The following GFOD1 variants were observed in gnomAD, a reference collection of about 807,000 sequenced individuals.
GFOD1 encodes glucose-fructose oxidoreductase domain-containing protein 1.
A neutral mutation model predicts 25.4 loss-of-function variants in GFOD1; 9 were observed. The observed-to-expected ratio is 0.35, with a 90% CI of 0.21 to 0.62. GFOD1 has a LOEUF of 0.62. Ranked by LOEUF, GFOD1 falls within the 20% of genes least tolerant of loss-of-function variation. GFOD1 has a pLI of 0.72. For missense variants in GFOD1, 403 were observed against 556.9 expected (o/e 0.72, Z 2.78); for synonymous variants, 253 against 245.6 (o/e 1.03, Z -0.28).
In GFOD1 at chr6:13,396,137, G is replaced by A. The variant is rs1461523016; in HGVS notation, c.254-30475C>T. On this transcript the variant is annotated intron_variant, in intron 1 of 1. Transcript: ENST00000379287. Reference sequence around the variant, plus strand: ...TAAGCTGAGGAACAGTGTCACTTCTGCTTCTACGTAGCTCACTAGAAATCC... The same window carrying A: ...TAAGCTGAGGAACAGTGTCACTTCTACTTCTACGTAGCTCACTAGAAATCC... Among the ~76,000 whole-genome samples the A allele has an allele frequency of 3.3e-5, 5 of 152,190 alleles. No individual in the cohort carries two copies. The South Asian group carries it at 6.2e-4, about 19-fold the overall frequency.
chr6:13,465,423 G>C (rs1225572178), intron 1 of GFOD1, among the ~76,000 whole-genome samples: 1 of 152,158 alleles, frequency 6.6e-6, no homozygotes, highest in East Asian at 1.9e-4. Flanking sequence ...AAGCTTGCTA[G>C]ACATGCAGAA....
chr6:13,423,286 T>C (rs142980655), intron 1 of GFOD1, among the ~76,000 whole-genome samples: 1 of 144,730 alleles, frequency 6.9e-6, no homozygotes. Context: ...AAATGTATTT[T>C]CAACTTAATA....
intron 1 of GFOD1, among the ~76,000 whole-genome samples, chr6:13,443,856 A>G (rs925962429): frequency 6.6e-6 from 1 of 150,634 alleles, no homozygotes; most frequent in Non-Finnish European, 1.5e-5. Context: ...AGCTACCCCA[A>G]CCTTCAGCAA....
chr6:13,446,868 A>G (rs1352104603), intron 1 of GFOD1, among the ~76,000 whole-genome samples: 1 of 152,194 alleles, frequency 6.6e-6, no homozygotes, highest in Non-Finnish European at 1.5e-5. Context: ...CTTCATCCCC[A>G]CCAGTCATTT....
At chr6:13,409,997 G>A (rs1218978187) in intron 1 of GFOD1, among the ~76,000 whole-genome samples, 1 of 129,174 alleles carries the variant, frequency 7.7e-6, no homozygotes, top group African/African-American at 2.7e-5. Context: ...AAATGATACG[G>A]ATTTTTAGTT....
At chr6:13,462,496 G>A (rs1758309383) in intron 1 of GFOD1, among the ~76,000 whole-genome samples, 1 of 152,180 alleles carries the variant, frequency 6.6e-6, no homozygotes, top group Non-Finnish European at 1.5e-5. Context: ...CTTCAGTCCG[G>A]TCAACTGTGA....
intron 1 of GFOD1, among the ~76,000 whole-genome samples, chr6:13,468,894 G>T (rs1758425682): frequency 6.6e-6 from 1 of 152,068 alleles, no homozygotes; most frequent in African/African-American, 2.4e-5. Flanking sequence ...ATGTGTTTAA[G>T]CATATGGGAG....
At chr6:13,470,469 C>G in intron 1 of GFOD1, 2 of 1,550,260 alleles carry the variant, frequency 1.3e-6, no homozygotes, top group Non-Finnish European at 1.7e-6. Flanking sequence ...GGCTTGAAAC[C>G]TGTCCCCTGG....
At chr6:13,411,557 G>T (rs777386410) in intron 1 of GFOD1, among the ~76,000 whole-genome samples, 7 of 152,112 alleles carry the variant, frequency 4.6e-5, no homozygotes, top group Non-Finnish European at 7.4e-5. Flanking sequence ...CTCCCAAAAT[G>T]CTGGAATTAC....
chr6:13,390,810 AG>A (rs1785586474), intron 1 of GFOD1, among the ~76,000 whole-genome samples: 4 of 151,250 alleles, frequency 2.6e-5, no homozygotes, highest in African/African-American at 7.3e-5. Flanking sequence ...GAAGGAAGGA[AG>A]GAAGGAAGGA....
chr6:13,460,884 C>A (rs1758279224), intron 1 of GFOD1, among the ~76,000 whole-genome samples: 1 of 152,154 alleles, frequency 6.6e-6, no homozygotes, highest in African/African-American at 2.4e-5. Flanking sequence ...AGTCTACTCT[C>A]TTCTGCCCTT....
chr6:13,446,195 G>A (rs1326138075), intron 1 of GFOD1, among the ~76,000 whole-genome samples: 1 of 152,176 alleles, frequency 6.6e-6, no homozygotes, highest in African/African-American at 2.4e-5. Flanking sequence ...GGATTCTAAT[G>A]TGACAGGGAC....
rs1224108033 is a variant in GFOD1, at chr6:13,477,183, TCAGG to T, written c.253+9451_253+9454del. Among the ~76,000 whole-genome samples, 20 of 150,026 alleles carry T rather than the reference TCAGG, an allele frequency of 1.3e-4. 1 individual carries two copies. Among genetic ancestry groups the T allele is most frequent in the Non-Finnish European group, 2.1e-4 (14 of 67,550 alleles). ...TTGATCCAGGCAAAATCTGTATTAGTCAGGGTTCACCAGAGAAACAGAACCAATA... is the reference window on the plus strand; with the variant it reads ...TTGATCCAGGCAAAATCTGTATTAGTGTTCACCAGAGAAACAGAACCAATA... On this transcript the variant is annotated intron_variant, in intron 1 of 1. Transcript: ENST00000379287.
intron 1 of GFOD1, among the ~76,000 whole-genome samples, chr6:13,449,827 A>T (rs1758064867): frequency 6.6e-6 from 1 of 152,118 alleles, no homozygotes; most frequent in South Asian, 2.1e-4. Context: ...TTTTCTTTAT[A>T]AATTACCTAG....
At position 13,401,089 on chromosome 6, in the gene GFOD1, G is replaced by C. The variant is rs377506635; in HGVS notation, c.254-35427C>G. On this transcript the variant is annotated intron_variant, in intron 1 of 1. Coordinates refer to ENST00000379287, the MANE Select transcript of GFOD1 (RefSeq NM_018988.4). ...CCTTTCTATAAAGTGAGGTGCGAGA[G>C]AGCCGAGACCCATTTAAGGAGGATG... Among the ~76,000 whole-genome samples, 9 of 152,326 alleles carry C rather than the reference G, an allele frequency of 5.9e-5. No homozygotes were observed. In the South Asian group the frequency reaches 1.4e-3, roughly 25 times the overall value.
At chr6:13,466,492 C>T (rs939665272) in intron 1 of GFOD1, among the ~76,000 whole-genome samples, 2 of 152,008 alleles carry the variant, frequency 1.3e-5, no homozygotes, top group East Asian at 3.9e-4. Context: ...CAGTGGCAGG[C>T]ACCCACATAA....
intron 1 of GFOD1, among the ~76,000 whole-genome samples, chr6:13,379,160 T>C (rs1785311332): frequency 6.6e-6 from 1 of 152,158 alleles, no homozygotes; most frequent in South Asian, 2.1e-4. Flanking sequence ...AACTGACAAG[T>C]AACCTACAGT....
intron 1 of GFOD1, among the ~76,000 whole-genome samples, chr6:13,416,806 G>A (rs1390421018): frequency 6.6e-6 from 1 of 152,200 alleles, no homozygotes. Context: ...TAAAAATTGT[G>A]CATGCATTAT....
chr6:13,470,420 C>A (rs572815758), intron 1 of GFOD1: 3 of 1,549,804 alleles, frequency 1.9e-6, no homozygotes, highest in Non-Finnish European at 2.6e-6. Context: ...TGGATGTGAA[C>A]GGCTGTGCAT....
Sources: gnomAD v4.1 joint callset for allele counts (sites outside exome capture counted in the v4.1 genomes callset) on GRCh38, gnomAD v4.1.1 for gene constraint, MANE v1.5 for transcripts, NCBI Gene and HGNC (gene_info 2026-07-23, HGNC 2026-07-21) for gene names.